Variants in UNC13B observed in about 807,000 individuals in gnomAD.
UNC13B encodes protein unc-13 homolog B.
UNC13B carries 144 observed loss-of-function variants against 211.0 expected under a neutral mutation model. That is an observed-to-expected ratio of 0.68 (90% confidence interval 0.60 to 0.78). The LOEUF is 0.78. UNC13B is among the 30% of genes least tolerant of loss of function. The probability of loss-of-function intolerance (pLI) is 0.00; values close to 1 mark genes in which losing one functional copy is unlikely to be tolerated. For synonymous variants in UNC13B, 709 were observed against 725.8 expected (o/e 0.98, Z 0.37); for missense variants, 1,777 against 2,002.0 (o/e 0.89, Z 2.14).
At chr9:35,281,622 A>G (rs1828500680) in intron 7 of UNC13B, among the ~76,000 whole-genome samples, 1 of 152,198 alleles carries the variant, frequency 6.6e-6, no homozygotes, top group African/African-American at 2.4e-5. Context: ...CAAAGTCTGT[A>G]GTTTACGTTA....
chr9:35,275,681 C>T (rs1441149720), intron 7 of UNC13B, among the ~76,000 whole-genome samples: 1 of 150,764 alleles, frequency 6.6e-6, no homozygotes, highest in African/African-American at 2.4e-5. Flanking sequence ...TGACCTCCGC[C>T]TCCTGGGTTT....
Position 35,308,649 on chromosome 9 carries a change from T to G in UNC13B, c.9008+237T>G, listed in dbSNP as rs184750951. On this transcript the variant is annotated intron_variant, in intron 9 of 39. Coordinates refer to ENST00000635942, the MANE Select transcript of UNC13B (RefSeq NM_001371189.2). ...TTTACTGGAACAAGGAGCTTCCTGC[T>G]TAAAGCAAAAGCTGGGCCCCCGATA... Among the ~76,000 whole-genome samples the G allele has an allele frequency of 5.3e-5, 8 of 152,320 alleles. No homozygotes were observed. In the East Asian group the frequency reaches 1.3e-3, roughly 26 times the overall value.
chr9:35,313,993 G>T lies in UNC13B; in HGVS notation c.9414+4G>T. 1 of 1,612,268 alleles carries T rather than the reference G, an allele frequency of 6.2e-7. No individual in the cohort carries two copies. The highest frequency in any genetic ancestry group is 1.7e-5 in the Admixed American group (1 of 60,002). ...GGTTCGACTCCAGCTGCAGGAGGTA[G>T]GAAATCTGTTCTAGTACTGGTTGGG... On this transcript the variant is annotated splice_donor_region_variant and intron_variant, in intron 11 of 39. Coordinates refer to ENST00000635942, the MANE Select transcript of UNC13B (RefSeq NM_001371189.2).
At chr9:35,356,235 C>T (rs1401531765) in intron 11 of UNC13B, among the ~76,000 whole-genome samples, 1 of 152,188 alleles carries the variant, frequency 6.6e-6, no homozygotes, top group Non-Finnish European at 1.5e-5. Context: ...GTCCCCTAAC[C>T]TAGTAAACTG....
rs556975801 is a variant in UNC13B, at chr9:35,300,247, G to A, written c.843G>A (p.Arg281=). Residue 281 remains arginine, a synonymous_variant, in exon 9 of 40, where the codon AGG becomes AGA. Transcript: ENST00000635942. ...LYNHFEDSER[R]QYGERSETKT... is the part of the protein sequence containing the mutation. The stretch of plus-strand genomic sequence containing the variant: ...ATCATTTTGAAGACAGTGAAAGAAG[G>A]CAATATGGTGAGAGATCTGAAACTA... 1.3e-5 allele frequency: 5 copies of A among 398,704 alleles called. No individual in the cohort carries two copies. The highest frequency in any genetic ancestry group is 8.8e-5 in the Admixed American group (2 of 22,708). 24.7% of individuals were successfully genotyped at this position (398,704 alleles called of 1,614,324 possible).
intron 1 of UNC13B, among the ~76,000 whole-genome samples, chr9:35,187,390 G>C (rs931860543): frequency 1.3e-5 from 2 of 152,178 alleles, no homozygotes; most frequent in Admixed American, 1.3e-4. Context: ...ATCACCACTT[G>C]ATTCACAGGA....
chr9:35,206,525 C>T (rs1306683527), intron 1 of UNC13B, among the ~76,000 whole-genome samples: 1 of 152,038 alleles, frequency 6.6e-6, no homozygotes, highest in Non-Finnish European at 1.5e-5. Context: ...TTTTAGGGTT[C>T]ATCCATATGG....
chr9:35,248,257 TAGTC>T (rs1826223742), intron 6 of UNC13B, among the ~76,000 whole-genome samples: 2 of 152,306 alleles, frequency 1.3e-5, no homozygotes, highest in South Asian at 4.1e-4. Context: ...TCTTCTTTAT[TAGTC>T]TTGCTAGCAG....
In UNC13B at chr9:35,398,637, A is replaced by G; in HGVS notation, c.11916A>G (p.Gly3972=). Residue 3972 remains glycine, a synonymous_variant, in exon 32 of 40, where the codon GGA becomes GGG. Coordinates refer to ENST00000635942, the MANE Select transcript of UNC13B (RefSeq NM_001371189.2). ...TGGATGAGCTCAGCATGGTGTTTGG[A>G]AACAGGTCAGTGACCCCACAATACA... ...TVLDELSMVF[G]NSFQVRIDEC... 1 of 1,613,900 alleles carries G rather than the reference A, an allele frequency of 6.2e-7. No homozygotes were observed. The highest frequency in any genetic ancestry group is 8.5e-7 in the Non-Finnish European group (1 of 1,179,982).
In UNC13B at chr9:35,368,767, T is replaced by C. The variant is rs145694757; in HGVS notation, c.9462-1551T>C. ...TCTTCTTTTAATCAAGGGTGAATCA[T>C]TGAATGAGCTACCCCCTTCTTCTTT... On this transcript the variant is annotated intron_variant, in intron 12 of 39. Transcript: ENST00000635942. Among the ~76,000 whole-genome samples the C allele has an allele frequency of 1.9e-3, 289 of 151,830 alleles. 2 individuals are homozygous for C. Among genetic ancestry groups the C allele is most frequent in the African/African-American group, 6.7e-3 (278 of 41,286 alleles).
intron 12 of UNC13B, among the ~76,000 whole-genome samples, chr9:35,367,388 G>A (rs1157774790): frequency 1.3e-5 from 2 of 152,132 alleles, no homozygotes; most frequent in Non-Finnish European, 2.9e-5. Flanking sequence ...GTACATACTA[G>A]GTGTGTCTAT....
chr9:35,322,579 G>A (rs1830792280), intron 11 of UNC13B, among the ~76,000 whole-genome samples: 1 of 152,260 alleles, frequency 6.6e-6, no homozygotes, highest in East Asian at 1.9e-4. Context: ...CATTTTCTTA[G>A]GGGCGATCAT....
At chr9:35,195,120 A>G (rs938341824) in intron 1 of UNC13B, among the ~76,000 whole-genome samples, 19 of 152,088 alleles carry the variant, frequency 1.2e-4, no homozygotes, top group African/African-American at 4.1e-4. Context: ...GGCTGATGCC[A>G]TCTTGTCTGC....
intron 13 of UNC13B, 59 bp downstream of exon 13, chr9:35,370,455 C>T: frequency 2.0e-6 from 3 of 1,511,026 alleles, no homozygotes; most frequent in Middle Eastern, 3.8e-4. Flanking sequence ...CCCATTGGGC[C>T]TTGGCAAGCT....
At chr9:35,297,330 A>G (rs1829415704) in intron 8 of UNC13B, among the ~76,000 whole-genome samples, 3 of 151,422 alleles carry the variant, frequency 2.0e-5, no homozygotes, top group Non-Finnish European at 2.9e-5. Context: ...CTCAAACGAT[A>G]CGCCTTCCTC....
rs1164207289 is a variant in UNC13B at position 35,243,345 on chromosome 9, C to A, written c.449C>A (p.Ala150Asp). The change falls in exon 6 of 40, where the codon GCC (alanine) becomes GAC (aspartate). Residue 150 changes from alanine to aspartate, a missense_variant. Physicochemically the swap from Ala to Asp is moderately radical, Grantham distance 126. Coordinates refer to ENST00000635942, the MANE Select transcript of UNC13B (RefSeq NM_001371189.2). Reference protein sequence around the residue: ...YWTYKWEQINALGADNEYSSQ... With the variant: ...YWTYKWEQINDLGADNEYSSQ... The stretch of plus-strand genomic sequence containing the variant: ...ACCTACAAATGGGAGCAAATCAATG[C>A]CTTGGGAGCTGACAATGAGGTAGGA... 2.5e-6 allele frequency: 4 copies of A among 1,613,374 alleles called. No homozygotes were observed. The highest frequency in any genetic ancestry group is 3.4e-6 in the Non-Finnish European group (4 of 1,179,598).
intron 27 of UNC13B, 85 bp downstream of exon 27, chr9:35,396,687 G>C: frequency 6.2e-7 from 1 of 1,601,620 alleles, no homozygotes; most frequent in East Asian, 2.2e-5. Context: ...CAGCAAGCCA[G>C]TCTCGGGGAC....
intron 1 of UNC13B, among the ~76,000 whole-genome samples, chr9:35,181,385 T>A (rs1821931021): frequency 6.6e-6 from 1 of 152,238 alleles, no homozygotes; most frequent in Admixed American, 6.5e-5. Flanking sequence ...CTAGAAGCTG[T>A]GTTTTATTGA....
chr9:35,273,947 T>C (rs1828032378), intron 7 of UNC13B, among the ~76,000 whole-genome samples: 1 of 152,208 alleles, frequency 6.6e-6, no homozygotes, highest in Non-Finnish European at 1.5e-5. Context: ...CAGAGGGAGC[T>C]GACCCAAGTG....
Sources: gnomAD v4.1 joint callset for allele counts (sites outside exome capture counted in the v4.1 genomes callset) on GRCh38, gnomAD v4.1.1 for gene constraint, MANE v1.5 for transcripts, NCBI Gene and HGNC (gene_info 2026-07-23, HGNC 2026-07-21) for gene names.